The following RAB3C variants were observed in gnomAD, a reference collection of about 807,000 sequenced individuals.
RAB3C encodes ras-related protein Rab-3C.
A neutral mutation model predicts 26.4 loss-of-function variants in RAB3C; 17 were observed. The ratio of observed to expected loss-of-function variants is 0.64; its 90% CI spans 0.44 to 0.97. The LOEUF (loss-of-function observed/expected upper bound fraction) is 0.97. RAB3C is among the 50% of genes least tolerant of loss of function. The pLI is 0.00. For synonymous variants in RAB3C, 91 were observed against 95.9 expected (o/e 0.95, Z 0.30); for missense variants, 242 against 281.9 (o/e 0.86, Z 1.01).
intron 3 of RAB3C, among the ~76,000 whole-genome samples, chr5:58,811,113 C>G (rs760490372): frequency 2.6e-5 from 4 of 152,174 alleles, no homozygotes; most frequent in Non-Finnish European, 5.9e-5. Context: ...AGCAAAACTG[C>G]TATGGTTTGT....
At chr5:58,752,307 C>T (rs532153730) in intron 3 of RAB3C, among the ~76,000 whole-genome samples, 100 of 152,134 alleles carry the variant, frequency 6.6e-4, no homozygotes, top group South Asian at 1.9e-3. Flanking sequence ...AAAGACCAAG[C>T]TATCAGCCCC....
intron 2 of RAB3C, among the ~76,000 whole-genome samples, chr5:58,654,784 T>C (rs539390489): frequency 9.5e-4 from 145 of 152,284 alleles, no homozygotes; most frequent in Non-Finnish European, 1.8e-3. Context: ...ACATGTTTGA[T>C]AGTGATGATT....
intron 3 of RAB3C, among the ~76,000 whole-genome samples, chr5:58,815,422 G>C (rs1379218785): frequency 6.6e-6 from 1 of 152,206 alleles, no homozygotes; most frequent in Non-Finnish European, 1.5e-5. Flanking sequence ...CATCCTATCT[G>C]TCTGTGCTAG....
chr5:58,809,928 T>A (rs1393039271), intron 3 of RAB3C, among the ~76,000 whole-genome samples: 1 of 152,256 alleles, frequency 6.6e-6, no homozygotes, highest in Non-Finnish European at 1.5e-5. Flanking sequence ...GGAAAGCTGA[T>A]AGTTATATTA....
Position 58,854,740 on chromosome 5 carries a change from G to C in RAB3C, c.*3389G>C, listed in dbSNP as rs576054192. On this transcript the variant is annotated 3_prime_UTR_variant, in exon 5 of 5. Coordinates refer to ENST00000282878, the MANE Select transcript of RAB3C (RefSeq NM_138453.4). Reference sequence around the variant, plus strand: ...GATTTTTACTTGGAAAGAAAACTATGACAATGCCTTCAGTTGTAGCAGAAA... The same window carrying C: ...GATTTTTACTTGGAAAGAAAACTATCACAATGCCTTCAGTTGTAGCAGAAA... The C allele has an allele frequency of 2.0e-5, 3 of 152,236 alleles. 1 individual carries two copies. Among genetic ancestry groups the C allele is most frequent in the African/African-American group, 7.2e-5 (3 of 41,548 alleles). The allele number at this position is 152,236 out of a possible 1,614,324, so 9.4% of individuals were successfully genotyped here.
chr5:58,830,870 G>A (rs1012320231), intron 4 of RAB3C, among the ~76,000 whole-genome samples: 17 of 115,198 alleles, frequency 1.5e-4, no homozygotes, highest in African/African-American at 4.4e-4. Flanking sequence ...CTTGAGTCAC[G>A]CAATAGGTCT....
chr5:58,697,558 A>G (rs1049246630), intron 2 of RAB3C, among the ~76,000 whole-genome samples: 2 of 152,120 alleles, frequency 1.3e-5, no homozygotes, highest in Admixed American at 1.3e-4. Flanking sequence ...GTGGGAGTCT[A>G]AGTTTCTTTG....
At chr5:58,676,111 G>A (rs540329415) in intron 2 of RAB3C, among the ~76,000 whole-genome samples, 14 of 152,136 alleles carry the variant, frequency 9.2e-5, no homozygotes, top group Non-Finnish European at 1.9e-4. Flanking sequence ...CATAAGTCAC[G>A]CTTTCTGAGG....
In RAB3C at chr5:58,771,849, C is replaced by CTT. The variant is rs540125417; in HGVS notation, c.371+45741_371+45742dup. On this transcript the variant is annotated intron_variant, in intron 3 of 4. Transcript: ENST00000282878. Reference sequence around the variant, plus strand: ...TTCTTTCTTTTTTCTTTTTCTTTTTCTTTTTTTTTTTTTGAGATTCTTTTT... The same window carrying CTT: ...TTCTTTCTTTTTTCTTTTTCTTTTTCTTTTTTTTTTTTTTTGAGATTCTTTTT... Among the ~76,000 whole-genome samples the CTT allele has an allele frequency of 6.7e-4, 89 of 131,944 alleles. 1 individual carries two copies. Among genetic ancestry groups the CTT allele is most frequent in the Middle Eastern group, 3.9e-3 (1 of 254 alleles). 86.6% of individuals were successfully genotyped at this position (131,944 alleles called of 152,430 possible). A position where few individuals can be genotyped will look rare whatever the true frequency, so the allele number is the denominator to read the frequency against.
intron 3 of RAB3C, among the ~76,000 whole-genome samples, chr5:58,739,357 C>A (rs10038836): frequency 6.6e-6 from 1 of 152,094 alleles, no homozygotes; most frequent in Non-Finnish European, 1.5e-5. Context: ...TATGTATTTT[C>A]AAGTCTTTGA....
intron 1 of RAB3C, among the ~76,000 whole-genome samples, chr5:58,605,990 A>T (rs1379964600): frequency 3.9e-5 from 6 of 152,150 alleles, no homozygotes; most frequent in Non-Finnish European, 8.8e-5. Flanking sequence ...TCGACACTGA[A>T]GACGGGTGAT....
intron 2 of RAB3C, among the ~76,000 whole-genome samples, chr5:58,695,316 G>T (rs1332958377): frequency 6.6e-6 from 1 of 152,118 alleles, no homozygotes; most frequent in Non-Finnish European, 1.5e-5. Context: ...TGCTGTTTTG[G>T]TCACTGTAGC....
intron 3 of RAB3C, among the ~76,000 whole-genome samples, chr5:58,764,084 A>G (rs1313938844): frequency 6.6e-6 from 1 of 152,218 alleles, no homozygotes; most frequent in Admixed American, 6.5e-5. Context: ...CTAATTTGGT[A>G]TCATATATCA....
At position 58,713,743 on chromosome 5, in the gene RAB3C, A is replaced by C. The variant is rs1749110480; in HGVS notation, c.253-12259A>C. Among the ~76,000 whole-genome samples the C allele has an allele frequency of 1.3e-5, 2 of 152,332 alleles. 1 individual carries two copies. Among genetic ancestry groups the C allele is most frequent in the South Asian group, 4.1e-4 (2 of 4,826 alleles). On this transcript the variant is annotated intron_variant, in intron 2 of 4. Transcript: ENST00000282878. ...ACCTGACTTTAAACATAAATTAAAC[A>C]GGTGCTAGAGGACTTTTGAGACAAT...
intron 1 of RAB3C, among the ~76,000 whole-genome samples, chr5:58,594,094 TTAACTC>T (rs1261557228): frequency 3.3e-5 from 5 of 152,188 alleles, no homozygotes; most frequent in Admixed American, 6.6e-5. Flanking sequence ...TGCCACTTGT[TTAACTC>T]TAGCTCATCA....
chr5:58,604,347 C>T lies in RAB3C; in HGVS notation c.25-13296C>T, dbSNP rs36105661. Among the ~76,000 whole-genome samples the T allele has an allele frequency of 4.0e-3, 609 of 152,274 alleles. 2 individuals are homozygous for T. The highest frequency in any genetic ancestry group is 0.01 in the Middle Eastern group (3 of 294). The stretch of plus-strand genomic sequence containing the variant: ...CTGTAGTAGTGTGGAGAGGGACCGG[C>T]GGTAGGCGGGGCCTTAGACCTCCCA... On this transcript the variant is annotated intron_variant, in intron 1 of 4. Coordinates refer to ENST00000282878, the MANE Select transcript of RAB3C (RefSeq NM_138453.4).
chr5:58,678,081 G>A (rs1430378623), intron 2 of RAB3C, among the ~76,000 whole-genome samples: 1 of 151,556 alleles, frequency 6.6e-6, no homozygotes, highest in African/African-American at 2.4e-5. Flanking sequence ...AGCCATGGAA[G>A]CTCATGAAAA....
At chr5:58,714,091 G>A (rs969364285) in intron 2 of RAB3C, among the ~76,000 whole-genome samples, 9 of 152,124 alleles carry the variant, frequency 5.9e-5, no homozygotes, top group African/African-American at 1.9e-4. Context: ...TCAGAGTAAT[G>A]ATAGTTCATA....
In RAB3C at chr5:58,600,579, GTA is replaced by G. The variant is rs555104820; in HGVS notation, c.25-17062_25-17061del. On this transcript the variant is annotated intron_variant, in intron 1 of 4. Transcript: ENST00000282878. Reference sequence around the variant, plus strand: ...CCTCCTCGGTTAGGTATATTCCTAAGTATTTTTATTTATTTATTTTTGCAGCT... The same window carrying G: ...CCTCCTCGGTTAGGTATATTCCTAAGTTTTTATTTATTTATTTTTGCAGCT... 4.3e-3 allele frequency among the ~76,000 whole-genome samples: 658 copies of G among 152,136 alleles called. 5 individuals carry two copies. Among genetic ancestry groups the G allele is most frequent in the African/African-American group, 0.015 (614 of 41,506 alleles).
Sources: allele counts gnomAD v4.1 joint callset (sites outside exome capture counted in the v4.1 genomes callset), GRCh38; gene constraint gnomAD v4.1.1; transcripts MANE v1.5; gene names NCBI Gene and HGNC (gene_info 2026-07-23, HGNC 2026-07-21).